CACNA2D4: variants seen among roughly 807,000 people sequenced by gnomAD.
The protein encoded by CACNA2D4 is calcium voltage-gated channel auxiliary subunit alpha2delta 4.
Under a neutral mutation model 163.8 loss-of-function variants are expected in CACNA2D4, and 157 were observed. That is an observed-to-expected ratio of 0.96 (90% CI 0.84 to 1.09). The LOEUF is 1.09. CACNA2D4 is among the 50% of genes least tolerant of loss of function. The pLI, the probability that CACNA2D4 is intolerant of heterozygous loss-of-function variation, is 0.00. For synonymous variants in CACNA2D4, 598 were observed against 586.9 expected, an observed-to-expected ratio of 1.02 and a Z score of -0.27; for missense variants, 1,410 against 1,479.9, an observed-to-expected ratio of 0.95 and a Z score of 0.78.
chr12:1,814,279 G>A (rs1254245847), intron 26 of CACNA2D4, among the ~76,000 whole-genome samples: 1 of 152,092 alleles, frequency 6.6e-6, no homozygotes, highest in Non-Finnish European at 1.5e-5. Context: ...AGGTGTTGAG[G>A]CTCCTTGGGC....
rs756675736 is a variant in CACNA2D4 at position 1,886,255 on chromosome 12, G to T, written c.961C>A (p.Leu321Met). Residue 321 changes from leucine to methionine, a missense_variant, in exon 8 of 38, where the codon CTG (leucine) becomes ATG (methionine). By Grantham distance (15) the Leu-to-Met change is conservative. Coordinates refer to ENST00000382722, the MANE Select transcript of CACNA2D4 (RefSeq NM_172364.5). ...KHTITTILDTLGENDFINIIA... is the reference protein window; with the variant it reads ...KHTITTILDTMGENDFINIIA... ...ATATTAATGAAGTCATTCTCCCCCA[G>T]GGTGTCCAAGATGGTGGTGATGGTG... The T allele has an allele frequency of 2.5e-6, 4 of 1,613,416 alleles. No homozygotes were observed. The highest frequency in any genetic ancestry group is 8.5e-7 in the Non-Finnish European group (1 of 1,179,510).
At chr12:1,848,849 C>A (rs532296960) in intron 23 of CACNA2D4, among the ~76,000 whole-genome samples, 1 of 152,084 alleles carries the variant, frequency 6.6e-6, no homozygotes, top group Admixed American at 6.6e-5. Flanking sequence ...CTCAAACGAT[C>A]CTCTCGCCTG....
At chr12:1,830,904 T>C (rs760105341) in intron 26 of CACNA2D4, 1 of 1,556,798 alleles carries the variant, frequency 6.4e-7, no homozygotes, top group Non-Finnish European at 8.7e-7. Flanking sequence ...GTCCTATTGC[T>C]TTCTTTCCCC....
chr12:1,871,175 C>T (rs1295613966), intron 18 of CACNA2D4, among the ~76,000 whole-genome samples: 1 of 122,360 alleles, frequency 8.2e-6, no homozygotes, highest in African/African-American at 3.4e-5. Flanking sequence ...TGGTGTGTGC[C>T]TGTGTACACG....
At chr12:1,826,802 A>G (rs1485103386) in intron 26 of CACNA2D4, among the ~76,000 whole-genome samples, 2 of 152,170 alleles carry the variant, frequency 1.3e-5, no homozygotes, top group Non-Finnish European at 1.5e-5. Flanking sequence ...AGAGGGGAGA[A>G]GATGGGGGCA....
chr12:1,860,696 G>A (rs559466602), intron 18 of CACNA2D4, among the ~76,000 whole-genome samples: 1 of 152,172 alleles, frequency 6.6e-6, no homozygotes, highest in East Asian at 1.9e-4. Flanking sequence ...AAACCTCCTC[G>A]CCCTCAAAGA....
chr12:1,846,285 C>G (rs1865140048), intron 24 of CACNA2D4, among the ~76,000 whole-genome samples: 1 of 152,176 alleles, frequency 6.6e-6, no homozygotes. Flanking sequence ...ACTTCAAAGT[C>G]TCTCCCTGAC....
chr12:1,868,901 T>C (rs1275971751), intron 18 of CACNA2D4, among the ~76,000 whole-genome samples: 1 of 152,170 alleles, frequency 6.6e-6, no homozygotes, highest in Non-Finnish European at 1.5e-5. Context: ...GCAATTACAC[T>C]GTATTAGGTT....
chr12:1,907,719 C>CG, intron 5 of CACNA2D4, 148 bp from the exon 6 acceptor site: 2 of 1,156,618 alleles, frequency 1.7e-6, no homozygotes, highest in Middle Eastern at 2.3e-4. Context: ...GTCTGGTGGA[C>CG]GGCCTGGTGG....
chr12:1,903,747 T>C (rs1866591683), intron 6 of CACNA2D4, among the ~76,000 whole-genome samples: 1 of 151,852 alleles, frequency 6.6e-6, no homozygotes, highest in Non-Finnish European at 1.5e-5. Context: ...TTGGAGAAAC[T>C]CATACACTCA....
intron 29 of CACNA2D4, among the ~76,000 whole-genome samples, 196 bp downstream of exon 29, chr12:1,810,082 A>G (rs149585666): frequency 1.2e-4 from 18 of 152,352 alleles, no homozygotes; most frequent in African/African-American, 3.4e-4. Context: ...TGAGTTGAAA[A>G]GTGCTCCAAA....
chr12:1,839,306 G>C (rs1864959974), intron 26 of CACNA2D4, among the ~76,000 whole-genome samples: 1 of 152,216 alleles, frequency 6.6e-6, no homozygotes, highest in South Asian at 2.1e-4. Flanking sequence ...TCAGAACACA[G>C]CTGGGTCCCA....
At position 1,828,265 on chromosome 12, in the gene CACNA2D4, C is replaced by A; in HGVS notation, c.2551+12474G>T. 1 of 1,475,246 alleles carries A rather than the reference C, an allele frequency of 6.8e-7. No homozygotes were observed. The highest frequency in any genetic ancestry group is 9.1e-7 in the Non-Finnish European group (1 of 1,095,212). 91.4% of individuals were successfully genotyped at this position (1,475,246 alleles called of 1,614,324 possible). A position where few individuals can be genotyped will look rare whatever the true frequency, so the allele number is the denominator to read the frequency against. On this transcript the variant is annotated intron_variant, in intron 26 of 37. Transcript: ENST00000382722. This position sits in a 1 kb window ranked among gnomAD's most constrained non-coding sequence, Gnocchi z 4.2. The stretch of plus-strand genomic sequence containing the variant: ...GGGGGTGCGGGTTGGGTGGGGGTGC[C>A]GAGGTGACTGTAGGTAGCGCCATAT...
At chr12:1,870,932 G>A (rs1865756531) in intron 18 of CACNA2D4, among the ~76,000 whole-genome samples, 1 of 152,226 alleles carries the variant, frequency 6.6e-6, no homozygotes, top group Admixed American at 6.5e-5. Flanking sequence ...GTAAGAGCAC[G>A]TCACAGAGTA....
chr12:1,797,477 G>T lies in CACNA2D4; in HGVS notation c.3054C>A (p.Phe1018Leu), dbSNP rs1441684610. The T allele has an allele frequency of 1.3e-6, 2 of 1,586,408 alleles. No individual in the cohort carries two copies. The highest frequency in any genetic ancestry group is 1.7e-4 in the Middle Eastern group (1 of 6,026). Reference sequence around the variant, plus strand: ...CCTCCCGGATGGCCGGCTGGTACACGAACACGGGGTACTCCGTGTCGCAGG... The same window carrying T: ...CCTCCCGGATGGCCGGCTGGTACACTAACACGGGGTACTCCGTGTCGCAGG... ...LQPCDTEYPV[F>L]VYQPAIREAN... Residue 1018 changes from phenylalanine to leucine, a missense_variant, in exon 35 of 38, where the codon TTC becomes TTA. Phe to Leu is a conservative substitution (Grantham distance 22). Transcript: ENST00000382722.
intron 26 of CACNA2D4, among the ~76,000 whole-genome samples, chr12:1,827,209 C>A (rs991769717): frequency 2.6e-5 from 4 of 152,220 alleles, no homozygotes; most frequent in Admixed American, 2.6e-4. Flanking sequence ...GGCTGGCAGC[C>A]TGGGCCTCCC....
intron 9 of CACNA2D4, 34 bp from the exon 10 acceptor site, chr12:1,885,110 G>A (rs747779282): frequency 2.6e-6 from 4 of 1,545,720 alleles, no homozygotes; most frequent in Non-Finnish European, 3.6e-6. Context: ...AAGCATCAGG[G>A]GGTTGAGTGG....
chr12:1,857,004 C>T (rs1230307466), intron 20 of CACNA2D4, among the ~76,000 whole-genome samples: 2 of 152,222 alleles, frequency 1.3e-5, no homozygotes, highest in African/African-American at 4.8e-5. Context: ...AAGCCCCTGA[C>T]CACTGGAATG....
intron 25 of CACNA2D4, among the ~76,000 whole-genome samples, chr12:1,842,159 C>A (rs1221865012): frequency 1.3e-5 from 2 of 152,192 alleles, no homozygotes; most frequent in Admixed American, 1.3e-4. Context: ...GTGCCTGGCT[C>A]ACCGTGGCTA....
Sources: gnomAD v4.1 joint callset for allele counts (sites outside exome capture counted in the v4.1 genomes callset) on GRCh38, gnomAD v4.1.1 for gene constraint, Gnocchi (gnomAD v3.1) non-coding constraint, MANE v1.5 for transcripts, NCBI Gene and HGNC (gene_info 2026-07-23, HGNC 2026-07-21) for gene names.